Variants in CNKSR3 observed in about 807,000 individuals in gnomAD.
The protein encoded by CNKSR3 is connector enhancer of kinase suppressor of ras 3.
Under a neutral mutation model 67.7 loss-of-function variants are expected in CNKSR3, and 36 were observed. The observed-to-expected ratio is 0.53, with a 90% CI of 0.41 to 0.70. The LOEUF (loss-of-function observed/expected upper bound fraction) is 0.70. Ranked by LOEUF, CNKSR3 falls within the 30% of genes least tolerant of loss-of-function variation. CNKSR3 has a pLI of 0.00. For missense variants in CNKSR3, 630 were observed against 695.2 expected (o/e 0.91, Z 1.05); for synonymous variants, 281 against 271.4 (o/e 1.04, Z -0.35).
intron 1 of CNKSR3, among the ~76,000 whole-genome samples, chr6:154,502,661 G>C (rs940670963): frequency 6.6e-5 from 10 of 152,184 alleles, no homozygotes; most frequent in Non-Finnish European, 1.3e-4. Context: ...CCTCCATGCT[G>C]CTCATCTGCA....
intron 1 of CNKSR3, among the ~76,000 whole-genome samples, chr6:154,469,255 A>G (rs919420114): frequency 3.3e-5 from 5 of 152,200 alleles, no homozygotes; most frequent in African/African-American, 1.2e-4. Flanking sequence ...AGTGCGTGAT[A>G]GTTTGTTTAC....
intron 3 of CNKSR3, among the ~76,000 whole-genome samples, chr6:154,441,863 G>C (rs966460320): frequency 2.0e-5 from 3 of 152,094 alleles, no homozygotes; most frequent in Admixed American, 6.5e-5. Context: ...CTTTAGCACA[G>C]TTTCACTCTT....
At chr6:154,428,340 G>C (rs1785296473) in intron 6 of CNKSR3, among the ~76,000 whole-genome samples, 153 bp from the exon 7 acceptor site, 1 of 152,154 alleles carries the variant, frequency 6.6e-6, no homozygotes. Flanking sequence ...AGATCCAAAG[G>C]GTGGTGAAGG....
chr6:154,411,534 T>G (rs1784911143), intron 10 of CNKSR3, among the ~76,000 whole-genome samples: 1 of 148,594 alleles, frequency 6.7e-6, no homozygotes, highest in Non-Finnish European at 1.5e-5. Context: ...CTTGGGAGAC[T>G]GAGGCAGGAG....
At chr6:154,474,970 C>G (rs1369513795) in intron 1 of CNKSR3, among the ~76,000 whole-genome samples, 3 of 152,200 alleles carry the variant, frequency 2.0e-5, no homozygotes, top group Non-Finnish European at 4.4e-5. Flanking sequence ...TGCGGAAGAG[C>G]TGGCCCAAGG....
intron 12 of CNKSR3, among the ~76,000 whole-genome samples, chr6:154,407,006 C>T (rs1212591474): frequency 1.3e-5 from 2 of 151,534 alleles, no homozygotes; most frequent in Non-Finnish European, 2.9e-5. Context: ...CTTTGGAGGG[C>T]CCTCGGCCTG....
intron 1 of CNKSR3, among the ~76,000 whole-genome samples, chr6:154,499,831 T>C (rs1786946923): frequency 1.3e-5 from 2 of 151,822 alleles, no homozygotes; most frequent in South Asian, 4.1e-4. Context: ...GGAAGGGTTT[T>C]TCTTTAATCA....
intron 1 of CNKSR3, among the ~76,000 whole-genome samples, chr6:154,505,193 A>C (rs141810370): frequency 6.6e-6 from 1 of 151,026 alleles, no homozygotes; most frequent in East Asian, 2.0e-4. Flanking sequence ...AAGGTAGTAC[A>C]TTGCAGTTGA....
chr6:154,454,104 C>CACACACACACACAGAG (rs1268729108), intron 1 of CNKSR3, among the ~76,000 whole-genome samples: 21 of 116,282 alleles, frequency 1.8e-4, no homozygotes, highest in African/African-American at 6.2e-4. Context: ...CACACACACA[C>CACACACACACACAGAG]AGAGAGAGAG....
chr6:154,466,659 G>A (rs572604676), intron 1 of CNKSR3, among the ~76,000 whole-genome samples: 5 of 152,128 alleles, frequency 3.3e-5, no homozygotes, highest in African/African-American at 9.6e-5. Flanking sequence ...TAGCTCTGTC[G>A]CTCAGGCTAG....
At position 154,510,099 on chromosome 6, in the gene CNKSR3, T is replaced by C; in HGVS notation, c.16A>G (p.Lys6Glu). 4 of 1,614,048 alleles carry C rather than the reference T, an allele frequency of 2.5e-6. No individual in the cohort carries two copies. Among genetic ancestry groups the C allele is most frequent in the Non-Finnish European group, 3.4e-6 (4 of 1,179,962 alleles). ...TCCACCACTTGTTTGGGGCTCCACTTGGTCACGGGTTCCATGGTAAACCGC... is the reference window on the plus strand; with the variant it reads ...TCCACCACTTGTTTGGGGCTCCACTCGGTCACGGGTTCCATGGTAAACCGC... MEPVTKWSPKQVVDWT... is the reference protein window; with the variant it reads MEPVTEWSPKQVVDWT... The change falls in exon 1 of 13, where the codon AAG (lysine) becomes GAG (glutamate). Residue 6 changes from lysine (K) to glutamate (E), a missense_variant. Physicochemically the swap from Lys to Glu is moderately conservative, Grantham distance 56 (BLOSUM62 1). Transcript: ENST00000607772.
At chr6:154,431,029 T>TA (rs1343598284) in intron 5 of CNKSR3, among the ~76,000 whole-genome samples, 200 of 146,088 alleles carry the variant, frequency 1.4e-3, no homozygotes, top group Middle Eastern at 3.5e-3. Context: ...TTCACGTTTA[T>TA]AAAAAAAAAA....
intron 2 of CNKSR3, among the ~76,000 whole-genome samples, chr6:154,446,674 C>T (rs4599661): frequency 0.33 from 50,491 of 152,026 alleles, 10,427 homozygotes; most frequent in African/African-American, 0.58. Context: ...TTAACACATG[C>T]ATCAATTCCA....
At position 154,510,134 on chromosome 6, in the gene CNKSR3, C is replaced by A; in HGVS notation, c.-20G>T. On this transcript the variant is annotated 5_prime_UTR_variant, in exon 1 of 13. Transcript: ENST00000607772. ...TTCCATGGTAAACCGCTTCGCCTCTCGCTGGGCTGGAGAGTCGCAGATAAA... is the reference window on the plus strand; with the variant it reads ...TTCCATGGTAAACCGCTTCGCCTCTAGCTGGGCTGGAGAGTCGCAGATAAA... The A allele has an allele frequency of 6.2e-7, 1 of 1,614,092 alleles. No homozygotes were observed. The highest frequency in any genetic ancestry group is 8.5e-7 in the Non-Finnish European group (1 of 1,179,964).
intron 1 of CNKSR3, among the ~76,000 whole-genome samples, chr6:154,500,936 C>G (rs1174747413): frequency 6.6e-6 from 1 of 152,206 alleles, no homozygotes; most frequent in Non-Finnish European, 1.5e-5. Context: ...CACAAAAACT[C>G]TATTCATAGA....
intron 9 of CNKSR3, 39 bp from the exon 10 acceptor site, chr6:154,414,462 T>A (rs1784977559): frequency 6.4e-7 from 1 of 1,559,756 alleles, no homozygotes; most frequent in Non-Finnish European, 8.7e-7. Flanking sequence ...AGAGTGGAGA[T>A]CAATTCAGAG....
chr6:154,406,404 G>T lies in CNKSR3; in HGVS notation c.1618C>A (p.Pro540Thr), dbSNP rs141930346. ...SSATKSSSTEPSLLVSWFTRL... is the reference protein window; with the variant it reads ...SSATKSSSTETSLLVSWFTRL... ...GTAAACCAGCTGACCAGGAGGGACGGTTCTGTGGACGAGGACTTCGTAGCT... is the reference window on the plus strand; with the variant it reads ...GTAAACCAGCTGACCAGGAGGGACGTTTCTGTGGACGAGGACTTCGTAGCT... The change falls in exon 13 of 13, where the codon CCG (proline) becomes ACG (threonine). Residue 540 changes from proline to threonine, a missense_variant. By Grantham distance (38) the Pro-to-Thr change is conservative. Transcript: ENST00000607772. 152 of 1,614,184 alleles carry T rather than the reference G, an allele frequency of 9.4e-5. No homozygotes were observed. The African/African-American group carries it at 1.9e-3, about 21-fold the overall frequency.
At chr6:154,433,641 C>T in intron 4 of CNKSR3, 134 bp from the exon 5 acceptor site, 1 of 666,524 alleles carries the variant, frequency 1.5e-6, no homozygotes, top group South Asian at 1.8e-5. Context: ...CACAGTCCTG[C>T]AGGACTGGGA....
At chr6:154,441,097 G>A (rs930228361) in intron 4 of CNKSR3, among the ~76,000 whole-genome samples, 195 bp downstream of exon 4, 2 of 151,800 alleles carry the variant, frequency 1.3e-5, no homozygotes, top group Non-Finnish European at 2.9e-5. Flanking sequence ...AAAGGCCACT[G>A]GTCAGTTTTC....
Sources: allele counts gnomAD v4.1 joint callset (sites outside exome capture counted in the v4.1 genomes callset), GRCh38; gene constraint gnomAD v4.1.1; transcripts MANE v1.5; gene names NCBI Gene and HGNC (gene_info 2026-07-23, HGNC 2026-07-21).